Variants in KIF21A observed in about 807,000 individuals in gnomAD.
The protein encoded by KIF21A is kinesin family member 21A.
Under a neutral mutation model 202.9 loss-of-function variants are expected in KIF21A, and 114 were observed. That is an observed-to-expected ratio of 0.56 (90% CI 0.48 to 0.66). The LOEUF (loss-of-function observed/expected upper bound fraction) is 0.66. Among genes scored for constraint, KIF21A ranks in the 30% least tolerant of loss-of-function variants. The pLI is 0.00. For missense variants in KIF21A, 1,677 were observed against 1,994.9 expected (o/e 0.84, Z 3.04); for synonymous variants, 667 against 670.8 (o/e 0.99, Z 0.09).
chr12:39,436,505 T>C (rs1293329817), intron 1 of KIF21A, among the ~76,000 whole-genome samples: 1 of 143,782 alleles, frequency 7.0e-6, no homozygotes, highest in Non-Finnish European at 1.5e-5. Flanking sequence ...CTGTGGCTAT[T>C]CACAGGAGTG....
intron 11 of KIF21A, among the ~76,000 whole-genome samples, chr12:39,349,974 T>C (rs746643515): frequency 7.0e-4 from 107 of 152,036 alleles, no homozygotes; most frequent in Non-Finnish European, 1.5e-3. Context: ...GTGAAAATGC[T>C]CTTAAAAATG....
intron 3 of KIF21A, among the ~76,000 whole-genome samples, chr12:39,369,461 C>CA (rs36082101): frequency 1.5e-4 from 22 of 151,432 alleles, no homozygotes; most frequent in African/African-American, 2.4e-4. Flanking sequence ...CTCTTATCTC[C>CA]AAAAAAATGG....
Position 39,441,985 on chromosome 12 carries a change from T to G in KIF21A, c.44+942A>C, listed in dbSNP as rs370944071. 6.6e-4 allele frequency among the ~76,000 whole-genome samples: 100 copies of G among 152,278 alleles called. 4 individuals carry two copies. In the South Asian group the frequency reaches 0.02, roughly 30 times the overall value. ...ACTCTAGGATGAATGCTTCATTAAT[T>G]TTTCACACAGTGTGATGATGTTGCA... On this transcript the variant is annotated intron_variant, in intron 1 of 37. Coordinates refer to ENST00000361418, the MANE Select transcript of KIF21A (RefSeq NM_001173464.2).
At position 39,442,401 on chromosome 12, in the gene KIF21A, A is replaced by C. The variant is rs375295038; in HGVS notation, c.44+526T>G. Among the ~76,000 whole-genome samples the C allele has an allele frequency of 6.6e-6, 1 of 152,208 alleles. No individual in the cohort carries two copies. Among genetic ancestry groups the C allele is most frequent in the Non-Finnish European group, 1.5e-5 (1 of 68,040 alleles). On this transcript the variant is annotated intron_variant, in intron 1 of 37. Transcript: ENST00000361418. This position sits in a 1 kb window ranked among gnomAD's most constrained non-coding sequence, Gnocchi z 5.0. ...AAAAAGATGTCTCATTTGCACAGAC[A>C]TCAGAACCCGAGTGGGCGCGCGGCG...
intron 21 of KIF21A, 56 bp from the exon 22 acceptor site, chr12:39,331,847 A>T (rs1022805262): frequency 1.6e-6 from 2 of 1,257,190 alleles, no homozygotes; most frequent in African/African-American, 1.5e-5. Context: ...AACAGAAGGC[A>T]ACAGCCTATT....
At position 39,359,591 on chromosome 12, in the gene KIF21A, T is replaced by G. The variant is rs1044418540; in HGVS notation, c.1020-1218A>C. Among the ~76,000 whole-genome samples the G allele has an allele frequency of 9.9e-5, 15 of 152,182 alleles. No homozygotes were observed. The East Asian group carries it at 2.9e-3, about 29-fold the overall frequency. ...TTAAAATAATTCATGCCATTTTAGT[T>G]TTCTCTTTTGATAAAGAAAATAAGG... On this transcript the variant is annotated intron_variant, in intron 7 of 37. Transcript: ENST00000361418.
chr12:39,368,083 T>C (rs1015906387), intron 3 of KIF21A, 51 bp from the exon 4 acceptor site: 1 of 1,154,022 alleles, frequency 8.7e-7, no homozygotes, highest in Admixed American at 1.7e-5. Flanking sequence ...GTCTGGGTAG[T>C]TGTCATAACA....
Position 39,319,943 on chromosome 12 carries a change from C to G in KIF21A, c.3742G>C (p.Glu1248Gln), listed in dbSNP as rs202059694. Residue 1248 changes from glutamate (E) to glutamine (Q), a missense_variant, in exon 28 of 38, where the codon GAG (glutamate) becomes CAG (glutamine). Physicochemically the swap from Glu to Gln is conservative, Grantham distance 29. This residue lies in a region of KIF21A where 705 missense variants were observed against 791.9 expected (regional missense o/e 0.89). Coordinates refer to ENST00000361418, the MANE Select transcript of KIF21A (RefSeq NM_001173464.2). ...PSPVTRRKAY[E>Q]KAEKSKAKEQ... The stretch of plus-strand genomic sequence containing the variant: ...TTGGCCTTTGATTTTTCTGCTTTCT[C>G]ATATGCCTTTCTCCTTGTTACAGGA... 6.8e-6 allele frequency: 11 copies of G among 1,608,644 alleles called. No individual in the cohort carries two copies. The highest frequency in any genetic ancestry group is 1.7e-4 in the Middle Eastern group (1 of 6,052).
At chr12:39,434,829 A>G (rs1164507869) in intron 1 of KIF21A, among the ~76,000 whole-genome samples, 2 of 151,954 alleles carry the variant, frequency 1.3e-5, no homozygotes, top group Non-Finnish European at 2.9e-5. Context: ...CTACAGCTTG[A>G]CTCTCCAAGG....
At chr12:39,387,161 T>TACAC (rs3036323) in intron 1 of KIF21A, among the ~76,000 whole-genome samples, 12,530 of 138,100 alleles carry the variant, frequency 0.091, 777 homozygotes, top group African/African-American at 0.17. Flanking sequence ...ATGCAGTAGT[T>TACAC]ACACACACAC....
intron 1 of KIF21A, among the ~76,000 whole-genome samples, chr12:39,415,013 CA>C (rs1004212282): frequency 2.0e-5 from 3 of 148,530 alleles, no homozygotes; most frequent in African/African-American, 7.4e-5. Context: ...AAAACACCAT[CA>C]AAACACTGCA....
intron 37 of KIF21A, among the ~76,000 whole-genome samples, chr12:39,301,224 A>T (rs1209436060): frequency 6.6e-6 from 1 of 152,206 alleles, no homozygotes; most frequent in Admixed American, 6.5e-5. Flanking sequence ...AAAATCATCA[A>T]GGAAACATGT....
intron 1 of KIF21A, among the ~76,000 whole-genome samples, chr12:39,399,122 G>A (rs1313282894): frequency 6.6e-6 from 1 of 152,166 alleles, no homozygotes; most frequent in African/African-American, 2.4e-5. Context: ...TGGAGGCTGA[G>A]GCTGCAGCAT....
intron 1 of KIF21A, among the ~76,000 whole-genome samples, chr12:39,441,199 A>C (rs1939526489): frequency 6.6e-6 from 1 of 152,176 alleles, no homozygotes; most frequent in Non-Finnish European, 1.5e-5. Context: ...CCTAACATAC[A>C]CACCAAAACA....
rs556969492 is a variant in KIF21A at position 39,315,784 on chromosome 12, A to G, written c.3947+148T>C. ...GGTATGACCACAAAAATGTATTAAA[A>G]TTATCATGTTTAGAAATATTAGTGC... On this transcript the variant is annotated intron_variant, in intron 30 of 37. Coordinates refer to ENST00000361418, the MANE Select transcript of KIF21A (RefSeq NM_001173464.2). 2.6e-4 allele frequency: 195 copies of G among 748,238 alleles called. 1 individual carries two copies. In the South Asian group the frequency reaches 2.7e-3, roughly 10 times the overall value. The allele number at this position is 748,238 out of a possible 1,614,324, so 46.3% of individuals were successfully genotyped here.
At position 39,303,130 on chromosome 12, in the gene KIF21A, A is replaced by C; in HGVS notation, c.4566T>G (p.Phe1522Leu). The C allele has an allele frequency of 6.2e-7, 1 of 1,613,972 alleles. No individual in the cohort carries two copies. The highest frequency in any genetic ancestry group is 8.5e-7 in the Non-Finnish European group (1 of 1,179,898). ...TCCCAAGAGCTCCTTCTGTAACATC[A>C]AACATCTAAAAAGGTAGAAACAAAG... ...TGSKDHYIKM[F>L]DVTEGALGTV... is the part of the protein sequence containing the mutation. Residue 1522 changes from phenylalanine (F) to leucine (L), a missense_variant, in exon 36 of 38, where the codon TTT becomes TTG. This residue lies in a region of KIF21A where 705 missense variants were observed against 791.9 expected (regional missense o/e 0.89). Coordinates refer to ENST00000361418, the MANE Select transcript of KIF21A (RefSeq NM_001173464.2).
At chr12:39,304,201 T>TA (rs1943237617) in intron 35 of KIF21A, among the ~76,000 whole-genome samples, 3 of 152,204 alleles carry the variant, frequency 2.0e-5, no homozygotes, top group African/African-American at 7.2e-5. Flanking sequence ...AATGAGTACT[T>TA]ACATTCTTCC....
chr12:39,301,442 G>T, intron 37 of KIF21A, 38 bp downstream of exon 37: 1 of 1,485,242 alleles, frequency 6.7e-7, no homozygotes, highest in Non-Finnish European at 9.4e-7. Context: ...CTGAACAGAA[G>T]CAACCAATAT....
At chr12:39,360,177 T>C (rs746267148) in intron 7 of KIF21A, among the ~76,000 whole-genome samples, 2 of 152,076 alleles carry the variant, frequency 1.3e-5, no homozygotes, top group Non-Finnish European at 2.9e-5. Context: ...ATGATTCTAT[T>C]TATGAAAAAC....
Sources: allele counts gnomAD v4.1 joint callset (sites outside exome capture counted in the v4.1 genomes callset), GRCh38; gene constraint gnomAD v4.1.1; regional missense constraint gnomAD v4.1.1; non-coding constraint Gnocchi (gnomAD v3.1); transcripts MANE v1.5; gene names NCBI Gene and HGNC (gene_info 2026-07-23, HGNC 2026-07-21).